Variants in CROCC2 observed in about 807,000 individuals in gnomAD.
The protein encoded by CROCC2 is ciliary rootlet coiled-coil protein 2.
In CROCC2, 163 loss-of-function variants were observed where a neutral mutation model predicts 177.6. The observed-to-expected ratio is 0.92, with a 90% CI of 0.81 to 1.05. The LOEUF is 1.05. CROCC2 is among the 50% of genes least tolerant of loss of function. CROCC2 has a pLI of 0.00. For missense variants in CROCC2, 1,929 were observed against 1,797.8 expected, an observed-to-expected ratio of 1.07 and a Z score of -1.32; for synonymous variants, 904 against 787.3, an observed-to-expected ratio of 1.15 and a Z score of -2.48.
At chr2:240,991,755 C>G (rs566794353) in intron 31 of CROCC2, among the ~76,000 whole-genome samples, 1 of 152,370 alleles carries the variant, frequency 6.6e-6, no homozygotes, top group South Asian at 2.1e-4. Context: ...GACCAGACCC[C>G]CGGGGCCAGG....
Position 240,958,224 on chromosome 2 carries a change from C to A in CROCC2, c.2944-1077C>A, listed in dbSNP as rs1018789216. 3.1e-6 allele frequency: 3 copies of A among 977,440 alleles called. No individual in the cohort carries two copies. In the Admixed American group the frequency reaches 1.8e-4, roughly 60 times the overall value. The allele number at this position is 977,440 out of a possible 1,614,324, so 60.5% of individuals were successfully genotyped here. A position where few individuals can be genotyped will look rare whatever the true frequency, so the allele number is the denominator to read the frequency against. On this transcript the variant is annotated intron_variant, in intron 19 of 31. Coordinates refer to ENST00000690015, the MANE Select transcript of CROCC2 (RefSeq NM_001351305.2). The surrounding 1 kb of genome is among the most constrained non-coding windows in gnomAD (Gnocchi z 6.7). ...CTGAGTCACCACTGCCATCGGGCTC[C>A]CAGCCGATGCCCTGTCCCTGAGGCC...
intron 18 of CROCC2, among the ~76,000 whole-genome samples, chr2:240,951,205 A>T (rs2059554050): frequency 6.7e-6 from 1 of 149,884 alleles, no homozygotes; most frequent in Non-Finnish European, 1.5e-5. Flanking sequence ...CCATTCATTC[A>T]TCCATCCGTC....
rs1335727740 is a variant in CROCC2, at chr2:240,934,346, G to A, written c.1662G>A (p.Gln554=). 1.3e-6 allele frequency: 2 copies of A among 1,548,520 alleles called. No homozygotes were observed. Among genetic ancestry groups the A allele is most frequent in the South Asian group, 1.2e-5 (1 of 83,982 alleles). ...GGGGCCTCAGTCAAGGCCGCCTGCA[G>A]CAGCTGGAGGAGAAGGTCTCCGGGC... The part of the protein sequence containing the change: ...RALETSQGRL[Q]QLEEKVSGLR... The change falls in exon 12 of 32, where the codon CAG becomes CAA. Residue 554 remains glutamine, a synonymous_variant. Coordinates refer to ENST00000690015, the MANE Select transcript of CROCC2 (RefSeq NM_001351305.2).
rs1201254957 is a variant in CROCC2, at chr2:240,968,113, C to A, written c.4268-16C>A. 2.8e-6 allele frequency: 4 copies of A among 1,423,248 alleles called. No individual in the cohort carries two copies. In the South Asian group the frequency reaches 5.9e-5, roughly 21 times the overall value. 88.2% of individuals were successfully genotyped at this position (1,423,248 alleles called of 1,614,324 possible). ...GGGGCATGGGGGCCCCTCAAGCCAC[C>A]CTGCTTGCCCCACAGGCCAGCGCCG... On this transcript the variant is annotated splice_polypyrimidine_tract_variant and intron_variant, in intron 26 of 31. Coordinates refer to ENST00000690015, the MANE Select transcript of CROCC2 (RefSeq NM_001351305.2).
intron 3 of CROCC2, among the ~76,000 whole-genome samples, chr2:240,921,882 C>A (rs1025511211): frequency 3.3e-5 from 5 of 152,200 alleles, no homozygotes; most frequent in Non-Finnish European, 7.4e-5. Context: ...CCTAGGCCAT[C>A]CTTGGCCCTT....
intron 2 of CROCC2, among the ~76,000 whole-genome samples, chr2:240,919,725 C>T (rs1438880273): frequency 6.9e-6 from 1 of 145,942 alleles, no homozygotes; most frequent in Non-Finnish European, 1.5e-5. Flanking sequence ...TGGGGCTCGG[C>T]CTGGGCCTGG....
chr2:240,982,821 C>T lies in CROCC2; in HGVS notation c.4402-59C>T. ...GCAGATGCCCTGAGGCCAGGGTTTC[C>T]CTGCAGGGCCTCCCACCCCCAGTGT... On this transcript the variant is annotated intron_variant, in intron 27 of 31. Transcript: ENST00000690015. The surrounding 1 kb of genome is among the most constrained non-coding windows in gnomAD (Gnocchi z 4.7). The T allele has an allele frequency of 6.8e-7, 1 of 1,473,678 alleles. No individual in the cohort carries two copies. Among genetic ancestry groups the T allele is most frequent in the Non-Finnish European group, 9.1e-7 (1 of 1,094,970 alleles). 91.3% of individuals were successfully genotyped at this position (1,473,678 alleles called of 1,614,324 possible).
intron 13 of CROCC2, 60 bp from the exon 14 acceptor site, chr2:240,935,298 T>C: frequency 7.6e-7 from 1 of 1,307,594 alleles, no homozygotes; most frequent in Non-Finnish European, 9.8e-7. Flanking sequence ...TGGGGATGGC[T>C]GGCCTACAGG....
intron 26 of CROCC2, 32 bp from the exon 27 acceptor site, chr2:240,968,097 G>A: frequency 7.1e-7 from 1 of 1,407,848 alleles, no homozygotes; most frequent in Non-Finnish European, 9.2e-7. Context: ...AGGGGCATGG[G>A]GGCCCCTCAA....
In CROCC2 at chr2:240,949,110, C is replaced by G. The variant is rs893363883; in HGVS notation, c.2482+13C>G. The G allele has an allele frequency of 6.6e-7, 1 of 1,522,932 alleles. No individual in the cohort carries two copies. Among genetic ancestry groups the G allele is most frequent in the East Asian group, 2.5e-5 (1 of 40,710 alleles). The allele number at this position is 1,522,932 out of a possible 1,614,324, so 94.3% of individuals were successfully genotyped here. A position where few individuals can be genotyped will look rare whatever the true frequency, so the allele number is the denominator to read the frequency against. On this transcript the variant is annotated intron_variant, in intron 16 of 31. Transcript: ENST00000690015. This position sits in a 1 kb window ranked among gnomAD's most constrained non-coding sequence, Gnocchi z 4.5. ...CAGGCCTTGCAAGGTGCTCCAAGGG[C>G]GCTCCCTCAGCTCCTTCCCCGAAAG...
intron 11 of CROCC2, 77 bp from the exon 12 acceptor site, chr2:240,934,254 G>A: frequency 6.7e-6 from 10 of 1,482,662 alleles, no homozygotes; most frequent in South Asian, 4.0e-5. Flanking sequence ...AGTTGCAGGT[G>A]GTCGCCTGCC....
At chr2:240,922,494 G>A (rs1050838515) in intron 3 of CROCC2, 45 bp from the exon 4 acceptor site, 16 of 662,912 alleles carry the variant, frequency 2.4e-5, no homozygotes, top group Admixed American at 1.3e-4. Flanking sequence ...CCTGCCTGGC[G>A]GGTTCAGGAG....
chr2:240,948,094 G>A (rs74347576), intron 15 of CROCC2, among the ~76,000 whole-genome samples: 5,701 of 152,230 alleles, frequency 0.037, 323 homozygotes, highest in African/African-American at 0.13. Flanking sequence ...CACGCAGAAG[G>A]GGGAAGAGCT....
chr2:240,946,772 G>T (rs1327267545), intron 15 of CROCC2, among the ~76,000 whole-genome samples: 1 of 152,220 alleles, frequency 6.6e-6, no homozygotes, highest in Non-Finnish European at 1.5e-5. Context: ...GAGAGCGGCT[G>T]CCATGGGCCG....
Position 240,958,747 on chromosome 2 carries a change from G to A in CROCC2, c.2944-554G>A. The stretch of plus-strand genomic sequence containing the variant: ...GCCCTGCTGCCGCAACCTGGGCAGG[G>A]GTGCAGTGGGGAGGGCCTTGAGAGG... On this transcript the variant is annotated intron_variant, in intron 19 of 31. Coordinates refer to ENST00000690015, the MANE Select transcript of CROCC2 (RefSeq NM_001351305.2). This position sits in a 1 kb window ranked among gnomAD's most constrained non-coding sequence, Gnocchi z 6.7. 4.3e-6 allele frequency: 1 copy of A among 235,070 alleles called. No homozygotes were observed. Among genetic ancestry groups the A allele is most frequent in the South Asian group, 1.5e-4 (1 of 6,512 alleles). The allele number at this position is 235,070 out of a possible 1,614,324, so 14.6% of individuals were successfully genotyped here. A position where few individuals can be genotyped will look rare whatever the true frequency, so the allele number is the denominator to read the frequency against.
At chr2:240,932,438 C>A (rs2106460926) in intron 8 of CROCC2, 24 bp downstream of exon 8, 1 of 717,394 alleles carries the variant, frequency 1.4e-6, no homozygotes, top group South Asian at 1.5e-5. Flanking sequence ...ACGGGGGTGG[C>A]TGTGTGGCAG....
chr2:240,959,190 C>A, intron 19 of CROCC2, 111 bp from the exon 20 acceptor site: 1 of 1,274,214 alleles, frequency 7.8e-7, no homozygotes, highest in Non-Finnish European at 1.0e-6. Context: ...GGACCCGGCT[C>A]CCCCTCCCAG....
chr2:240,974,776 T>A (rs2059748017), intron 27 of CROCC2, among the ~76,000 whole-genome samples: 1 of 152,222 alleles, frequency 6.6e-6, no homozygotes, highest in South Asian at 2.1e-4. Context: ...GTGATCCCAT[T>A]TTCCCTAATT....
At chr2:240,941,882 C>T (rs1559598719) in intron 14 of CROCC2, among the ~76,000 whole-genome samples, 1 of 152,216 alleles carries the variant, frequency 6.6e-6, no homozygotes, top group African/African-American at 2.4e-5. Context: ...GTTCCACCCT[C>T]ATCAGCGAGA....
Sources: gnomAD v4.1 joint callset for allele counts (sites outside exome capture counted in the v4.1 genomes callset) on GRCh38, gnomAD v4.1.1 for gene constraint, Gnocchi (gnomAD v3.1) non-coding constraint, MANE v1.5 for transcripts, NCBI Gene and HGNC (gene_info 2026-07-23, HGNC 2026-07-21) for gene names.